Variants in NUBPL observed in about 807,000 individuals in gnomAD.
NUBPL encodes iron-sulfur cluster transfer protein NUBPL.
In NUBPL, 31 loss-of-function variants were observed where a neutral mutation model predicts 45.7. That is an observed-to-expected ratio of 0.68 (90% CI 0.51 to 0.92). The LOEUF (loss-of-function observed/expected upper bound fraction) is 0.92. Ranked by LOEUF, NUBPL falls within the 40% of genes least tolerant of loss-of-function variation. NUBPL has a pLI of 0.00. For missense variants in NUBPL, 401 were observed against 398.7 expected (o/e 1.01, Z -0.05); for synonymous variants, 144 against 140.9 (o/e 1.02, Z -0.15).
At chr14:31,799,705 A>G (rs752207774) in intron 7 of NUBPL, among the ~76,000 whole-genome samples, 1 of 152,232 alleles carries the variant, frequency 6.6e-6, no homozygotes, top group African/African-American at 2.4e-5. Context: ...ACAGTCATTC[A>G]AGCCTTTATC....
intron 6 of NUBPL, among the ~76,000 whole-genome samples, chr14:31,716,214 C>T (rs1375824609): frequency 6.6e-6 from 1 of 152,124 alleles, no homozygotes; most frequent in African/African-American, 2.4e-5. Flanking sequence ...AAGGACCTGC[C>T]TGAGTCTGTT....
In NUBPL at chr14:31,596,738, T is replaced by C. The variant is rs557547856; in HGVS notation, c.292-2551T>C. Among the ~76,000 whole-genome samples the C allele has an allele frequency of 3.9e-5, 6 of 152,362 alleles. No individual in the cohort carries two copies. In the South Asian group the frequency reaches 1.2e-3, roughly 32 times the overall value. ...CATTTTCATGTTTAATTTCCCATTC[T>C]ACTTCATTTTAAGAAAGAATACTTT... On this transcript the variant is annotated intron_variant, in intron 3 of 10. Coordinates refer to ENST00000281081, the MANE Select transcript of NUBPL (RefSeq NM_025152.3).
intron 4 of NUBPL, chr14:31,668,073 T>G (rs1442644679): frequency 6.6e-6 from 1 of 152,378 alleles, no homozygotes; most frequent in African/African-American, 2.4e-5. Context: ...TTAGCAGAGC[T>G]TGAATGCAGT....
At chr14:31,701,438 A>T (rs1260186326) in intron 6 of NUBPL, among the ~76,000 whole-genome samples, 1 of 152,262 alleles carries the variant, frequency 6.6e-6, no homozygotes. Flanking sequence ...AGGGAATAAA[A>T]GCAGGCTGCC....
intron 4 of NUBPL, among the ~76,000 whole-genome samples, chr14:31,638,309 G>GCTTGT (rs2035569535): frequency 6.6e-6 from 1 of 151,622 alleles, no homozygotes; most frequent in African/African-American, 2.4e-5. Flanking sequence ...CTCAGCATTT[G>GCTTGT]CTTGTCTGTA....
chr14:31,789,726 A>G (rs2039344625), intron 7 of NUBPL, among the ~76,000 whole-genome samples: 1 of 152,166 alleles, frequency 6.6e-6, no homozygotes, highest in Non-Finnish European at 1.5e-5. Flanking sequence ...TTGACAAAAT[A>G]TACGTGTTGT....
At chr14:31,634,944 T>G (rs2035448241) in intron 4 of NUBPL, among the ~76,000 whole-genome samples, 1 of 147,492 alleles carries the variant, frequency 6.8e-6, no homozygotes, top group African/African-American at 2.7e-5. Flanking sequence ...TTGTTTGTTT[T>G]TTTCTTGTAA....
intron 6 of NUBPL, among the ~76,000 whole-genome samples, chr14:31,740,591 G>T (rs920389547): frequency 2.0e-5 from 3 of 151,970 alleles, no homozygotes; most frequent in African/African-American, 7.3e-5. Context: ...ATTTTCTCCC[G>T]GTTTTTGGCT....
chr14:31,700,913 G>T (rs1012153470), intron 6 of NUBPL, among the ~76,000 whole-genome samples: 2 of 151,670 alleles, frequency 1.3e-5, no homozygotes, highest in Admixed American at 6.6e-5. Flanking sequence ...CCCATCGACC[G>T]CCCAAGGGCT....
chr14:31,655,337 C>G (rs2036115985), intron 4 of NUBPL, among the ~76,000 whole-genome samples: 2 of 152,306 alleles, frequency 1.3e-5, no homozygotes, highest in South Asian at 4.1e-4. Flanking sequence ...TGTTAGCAGG[C>G]ATGAAGACAA....
intron 4 of NUBPL, among the ~76,000 whole-genome samples, chr14:31,614,661 A>C (rs1595370495): frequency 6.6e-6 from 1 of 152,358 alleles, no homozygotes; most frequent in East Asian, 1.9e-4. Context: ...CAAAAGTGAT[A>C]CATTAAAGGA....
intron 8 of NUBPL, among the ~76,000 whole-genome samples, chr14:31,831,468 T>TGTACCATACCATACC (rs1555342390): frequency 9.1e-5 from 13 of 143,060 alleles, no homozygotes; most frequent in East Asian, 2.1e-4. Context: ...TATACTGTAC[T>TGTACCATACCATACC]ATACCATACC....
At chr14:31,766,297 T>C (rs76803368) in intron 6 of NUBPL, among the ~76,000 whole-genome samples, 226 of 152,334 alleles carry the variant, frequency 1.5e-3, no homozygotes, top group Middle Eastern at 0.014. Context: ...GCCCATTAAA[T>C]GGAGCACTGT....
At chr14:31,651,328 T>C (rs1159826709) in intron 4 of NUBPL, among the ~76,000 whole-genome samples, 1 of 152,154 alleles carries the variant, frequency 6.6e-6, no homozygotes, top group African/African-American at 2.4e-5. Context: ...CCTCCCAAGG[T>C]GCTGGCATTA....
At chr14:31,572,524 A>G (rs1219447123) in intron 3 of NUBPL, among the ~76,000 whole-genome samples, 1 of 152,226 alleles carries the variant, frequency 6.6e-6, no homozygotes, top group African/African-American at 2.4e-5. Flanking sequence ...GACTTAGAAA[A>G]TACATGGTAA....
chr14:31,751,442 G>A (rs907503588), intron 6 of NUBPL, among the ~76,000 whole-genome samples: 6 of 152,200 alleles, frequency 3.9e-5, no homozygotes, highest in African/African-American at 1.4e-4. Flanking sequence ...CAAAACAATG[G>A]GGCCACAGGC....
chr14:31,802,712 T>C (rs747460198), intron 7 of NUBPL, among the ~76,000 whole-genome samples: 1 of 152,174 alleles, frequency 6.6e-6, no homozygotes, highest in Non-Finnish European at 1.5e-5. Flanking sequence ...TTACCCAGTC[T>C]CAGATATTGT....
intron 6 of NUBPL, among the ~76,000 whole-genome samples, chr14:31,705,501 G>A (rs781564231): frequency 6.6e-6 from 1 of 151,566 alleles, no homozygotes; most frequent in Non-Finnish European, 1.5e-5. Flanking sequence ...GCTGATTGGT[G>A]CATTTACAAA....
chr14:31,648,283 A>T (rs2035909076), intron 4 of NUBPL, among the ~76,000 whole-genome samples: 1 of 152,212 alleles, frequency 6.6e-6, no homozygotes, highest in Non-Finnish European at 1.5e-5. Context: ...AATTAAAAGT[A>T]TGTATGATAT....
Sources: gnomAD v4.1 joint callset for allele counts (sites outside exome capture counted in the v4.1 genomes callset) on GRCh38, gnomAD v4.1.1 for gene constraint, MANE v1.5 for transcripts, NCBI Gene and HGNC (gene_info 2026-07-23, HGNC 2026-07-21) for gene names.